Variants in SEMA3A observed in about 807,000 individuals in gnomAD.
The protein encoded by SEMA3A is semaphorin-3A.
In SEMA3A, 29 loss-of-function variants were observed where a neutral mutation model predicts 97.9. The ratio of observed to expected loss-of-function variants is 0.30; its 90% CI spans 0.22 to 0.40. SEMA3A has a LOEUF of 0.40. SEMA3A is among the 10% of genes least tolerant of loss of function. The pLI is 1.00. For missense variants in SEMA3A, 763 were observed against 951.3 expected (o/e 0.80, Z 2.60); for synonymous variants, 321 against 323.7 (o/e 0.99, Z 0.09).
intron 1 of SEMA3A, among the ~76,000 whole-genome samples, chr7:84,177,424 A>G (rs1248537519): frequency 6.6e-6 from 1 of 152,110 alleles, no homozygotes; most frequent in Non-Finnish European, 1.5e-5. Flanking sequence ...TAAACAAGGT[A>G]AAACACTCTG....
chr7:84,169,157 T>A (rs1380391024), intron 1 of SEMA3A, among the ~76,000 whole-genome samples: 1 of 151,584 alleles, frequency 6.6e-6, no homozygotes, highest in African/African-American at 2.4e-5. Flanking sequence ...CTATTGTAAA[T>A]TATAAATATT....
chr7:84,095,205 T>C (rs1012182144), intron 4 of SEMA3A, among the ~76,000 whole-genome samples: 2 of 140,804 alleles, frequency 1.4e-5, no homozygotes, highest in Admixed American at 1.5e-4. Context: ...GCATTATATG[T>C]ATAAAATGCA....
intron 12 of SEMA3A, among the ~76,000 whole-genome samples, chr7:83,997,639 C>T (rs1245026581): frequency 6.6e-6 from 1 of 151,548 alleles, no homozygotes; most frequent in South Asian, 2.1e-4. Flanking sequence ...TGTTCACTCA[C>T]AAACAATCTT....
At chr7:84,138,992 A>G (rs1268875347) in intron 1 of SEMA3A, among the ~76,000 whole-genome samples, 1 of 151,986 alleles carries the variant, frequency 6.6e-6, no homozygotes, top group Non-Finnish European at 1.5e-5. Flanking sequence ...CATGACTTTG[A>G]TTTTCCTAGA....
At chr7:84,284,509 A>G (rs1032396016) in intron 3 of SEMA3A, among the ~76,000 whole-genome samples, 19 of 152,150 alleles carry the variant, frequency 1.2e-4, no homozygotes, top group African/African-American at 4.6e-4. Context: ...TTGGGATGAG[A>G]TCAGACAAGG....
chr7:84,077,909 C>T (rs1319152088), intron 4 of SEMA3A, among the ~76,000 whole-genome samples: 1 of 151,792 alleles, frequency 6.6e-6, no homozygotes, highest in East Asian at 1.9e-4. Context: ...ATTTTAATGC[C>T]AGTTGGGGGG....
chr7:84,196,193 T>C (rs1798226071), upstream of SEMA3A, among the ~76,000 whole-genome samples: 2 of 151,180 alleles, frequency 1.3e-5, no homozygotes, highest in Non-Finnish European at 3.0e-5. Flanking sequence ...GGGAAACTTC[T>C]TGGCTGAAGG....
intron 4 of SEMA3A, among the ~76,000 whole-genome samples, chr7:84,073,985 A>G (rs1012974): frequency 0.13 from 19,179 of 152,110 alleles, 1,278 homozygotes; most frequent in South Asian, 0.15. Flanking sequence ...TTTCTAACAC[A>G]GTGTAATTTT....
At chr7:84,371,273 T>A (rs1802968107) in intron 2 of SEMA3A, among the ~76,000 whole-genome samples, 1 of 151,862 alleles carries the variant, frequency 6.6e-6, no homozygotes, top group African/African-American at 2.4e-5. Context: ...ATAACATGGC[T>A]CAGAGACTTT....
intron 4 of SEMA3A, among the ~76,000 whole-genome samples, chr7:84,063,386 T>C (rs1421992647): frequency 1.5e-3 from 232 of 151,160 alleles, no homozygotes; most frequent in African/African-American, 4.5e-3. Flanking sequence ...AGGAACGCAG[T>C]TCCTCACCAG....
intron 1 of SEMA3A, among the ~76,000 whole-genome samples, chr7:84,172,906 T>G (rs1797437064): frequency 6.6e-6 from 1 of 152,218 alleles, no homozygotes; most frequent in Admixed American, 6.5e-5. Flanking sequence ...TTTTCCTGAC[T>G]TATTACAGGT....
chr7:84,132,662 GTTTTTTTT>G (rs55830654), intron 2 of SEMA3A, among the ~76,000 whole-genome samples: 1 of 86,630 alleles, frequency 1.2e-5, no homozygotes, highest in Non-Finnish European at 2.2e-5. Context: ...TCGACTTGGT[GTTTTTTTT>G]TTTTTTTTTT....
chr7:84,304,800 T>A (rs1801112082), intron 3 of SEMA3A, among the ~76,000 whole-genome samples: 1 of 152,022 alleles, frequency 6.6e-6, no homozygotes, highest in Non-Finnish European at 1.5e-5. Context: ...AAACTTAAAA[T>A]AGCAAATTAT....
chr7:84,284,870 G>C (rs1404478064), intron 3 of SEMA3A, among the ~76,000 whole-genome samples: 1 of 151,976 alleles, frequency 6.6e-6, no homozygotes, highest in East Asian at 1.9e-4. Flanking sequence ...TTTGCTTTAG[G>C]CACACAAATT....
chr7:84,357,863 G>C (rs967826335), intron 2 of SEMA3A, among the ~76,000 whole-genome samples: 3 of 151,954 alleles, frequency 2.0e-5, no homozygotes, highest in African/African-American at 7.3e-5. Flanking sequence ...TTGTGGTTTT[G>C]ATTTGCATTT....
intron 1 of SEMA3A, among the ~76,000 whole-genome samples, chr7:84,403,051 A>C (rs1803952481): frequency 6.6e-6 from 1 of 152,120 alleles, no homozygotes; most frequent in Admixed American, 6.5e-5. Context: ...GAGTGGGTGC[A>C]GGACAGTGGG....
At chr7:84,324,262 A>G (rs1278183788) in intron 2 of SEMA3A, among the ~76,000 whole-genome samples, 1 of 152,192 alleles carries the variant, frequency 6.6e-6, no homozygotes, top group Admixed American at 6.5e-5. Context: ...CTTCAAAAGC[A>G]AACTCTATAG....
At chr7:84,411,725 A>AT (rs201001103) in intron 1 of SEMA3A, among the ~76,000 whole-genome samples, 1,765 of 152,082 alleles carry the variant, frequency 0.012, 18 homozygotes, top group Non-Finnish European at 0.018. Flanking sequence ...ATTTTTTGGC[A>AT]TTTTTTATTT....
intron 2 of SEMA3A, among the ~76,000 whole-genome samples, chr7:84,364,939 A>G (rs1376726592): frequency 9.2e-5 from 14 of 151,610 alleles, no homozygotes; most frequent in Admixed American, 8.6e-4. Flanking sequence ...CATCTGACCA[A>G]ATAAAGGTAC....
Sources: gnomAD v4.1 joint callset for allele counts (sites outside exome capture counted in the v4.1 genomes callset) on GRCh38, gnomAD v4.1.1 for gene constraint, MANE v1.5 for transcripts, NCBI Gene and HGNC (gene_info 2026-07-23, HGNC 2026-07-21) for gene names.